The following EHBP1 variants were observed in gnomAD, a reference collection of about 807,000 sequenced individuals.
EHBP1 encodes EH domain binding protein 1, also known as EH domain-binding protein 1.
Under a neutral mutation model 144.0 loss-of-function variants are expected in EHBP1, and 55 were observed. The ratio of observed to expected loss-of-function variants is 0.38; its 90% confidence interval spans 0.31 to 0.48. The LOEUF is 0.48. EHBP1 is among the 20% of genes least tolerant of loss of function. The pLI is 0.98. For missense variants in EHBP1, 1,200 were observed against 1,364.2 expected, an observed-to-expected ratio of 0.88 and a Z score of 1.90; for synonymous variants, 469 against 472.7, an observed-to-expected ratio of 0.99 and a Z score of 0.10.
intron 19 of EHBP1, among the ~76,000 whole-genome samples, chr2:63,026,314 G>C (rs927459189): frequency 1.3e-5 from 2 of 150,810 alleles, no homozygotes; most frequent in African/African-American, 4.9e-5. Flanking sequence ...GTGTGTGTGT[G>C]TGTGTGTGTG....
intron 19 of EHBP1, among the ~76,000 whole-genome samples, chr2:63,029,343 G>T (rs1324302332): frequency 1.3e-5 from 2 of 151,714 alleles, no homozygotes; most frequent in African/African-American, 4.8e-5. Flanking sequence ...TATAGACTTT[G>T]TTATGGGAGC....
At chr2:62,840,012 A>G (rs2047665987) in intron 7 of EHBP1, among the ~76,000 whole-genome samples, 1 of 152,222 alleles carries the variant, frequency 6.6e-6, no homozygotes, top group Non-Finnish European at 1.5e-5. Flanking sequence ...TGGAACCAAA[A>G]AAGGGCTTGC....
At chr2:62,962,439 C>T (rs1450955064) in intron 14 of EHBP1, among the ~76,000 whole-genome samples, 1 of 152,220 alleles carries the variant, frequency 6.6e-6, no homozygotes, top group Admixed American at 6.5e-5. Flanking sequence ...CCCACCATTA[C>T]ATTTAATGAT....
At chr2:62,968,009 A>T (rs1203726818) in intron 14 of EHBP1, among the ~76,000 whole-genome samples, 4 of 152,124 alleles carry the variant, frequency 2.6e-5, no homozygotes, top group African/African-American at 9.7e-5. Context: ...GAGATATAGG[A>T]TACATCGTAT....
intron 2 of EHBP1, among the ~76,000 whole-genome samples, chr2:62,708,494 C>T (rs1246849149): frequency 2.6e-5 from 4 of 152,062 alleles, no homozygotes; most frequent in African/African-American, 4.8e-5. Context: ...TCTTTGAGGA[C>T]GGGTTATTTA....
At chr2:62,900,621 T>C (rs1398077041) in intron 10 of EHBP1, among the ~76,000 whole-genome samples, 3 of 146,178 alleles carry the variant, frequency 2.1e-5, no homozygotes, top group East Asian at 3.9e-4. Flanking sequence ...ACCCTGTCTT[T>C]AAAAAAAAAA....
chr2:62,898,709 G>A (rs917027165), intron 10 of EHBP1, among the ~76,000 whole-genome samples: 1 of 152,056 alleles, frequency 6.6e-6, no homozygotes, highest in Non-Finnish European at 1.5e-5. Flanking sequence ...ATAAATAATT[G>A]TTGGGTGGAT....
chr2:62,955,899 A>T (rs2057671115), intron 14 of EHBP1: 1 of 352,620 alleles, frequency 2.8e-6, no homozygotes, highest in Admixed American at 4.7e-5. Flanking sequence ...ATTTCCACAT[A>T]TACATGAATA....
At chr2:62,943,376 C>CAAAAAAAAAA (rs11306610) in intron 11 of EHBP1, among the ~76,000 whole-genome samples, 1 of 87,846 alleles carries the variant, frequency 1.1e-5, no homozygotes, top group Admixed American at 1.3e-4. Flanking sequence ...AACTCCGTCT[C>CAAAAAAAAAA]AAAAAAAAAA....
intron 7 of EHBP1, among the ~76,000 whole-genome samples, chr2:62,833,409 T>C (rs1346539731): frequency 6.6e-6 from 1 of 152,240 alleles, no homozygotes; most frequent in African/African-American, 2.4e-5. Context: ...TACAGCCTTC[T>C]ATTGGAAGAA....
chr2:62,901,452 T>C (rs2053405127), intron 10 of EHBP1, among the ~76,000 whole-genome samples: 1 of 152,090 alleles, frequency 6.6e-6, no homozygotes, highest in African/African-American at 2.4e-5. Flanking sequence ...TTGCTGTTTA[T>C]TGGAATTGGG....
intron 1 of EHBP1, among the ~76,000 whole-genome samples, chr2:62,682,545 G>A (rs2033567333): frequency 6.6e-6 from 1 of 152,148 alleles, no homozygotes; most frequent in African/African-American, 2.4e-5. Flanking sequence ...ACTCAGCCTG[G>A]AATGAGGATA....
chr2:62,732,411 A>C (rs900819429), intron 2 of EHBP1, among the ~76,000 whole-genome samples: 1 of 152,110 alleles, frequency 6.6e-6, no homozygotes, highest in East Asian at 1.9e-4. Flanking sequence ...TCCCCACCCA[A>C]ATCTCGTGTT....
In EHBP1 at chr2:62,948,896, G is replaced by A. The variant is rs370047719; in HGVS notation, c.2050G>A (p.Asp684Asn). Residue 684 changes from aspartate to asparagine, a missense_variant, in exon 13 of 23, where the codon GAT (aspartate) becomes AAT (asparagine). Transcript: ENST00000431489. ...TCCACCCTTTATTTGTGAGGAGACAGATGAACAAAAGCTTCAAACTCTAGA... is the reference window on the plus strand; with the variant it reads ...TCCACCCTTTATTTGTGAGGAGACAAATGAACAAAAGCTTCAAACTCTAGA... ...MSPPFICEET[D>N]EQKLQTLDIG... 164 of 1,613,856 alleles carry A rather than the reference G, an allele frequency of 1.0e-4. No individual in the cohort carries two copies. The highest frequency in any genetic ancestry group is 1.4e-4 in the Non-Finnish European group (162 of 1,179,972).
rs565188542 is a variant in EHBP1 at position 62,960,855 on chromosome 2, T to A, written c.2460+5195T>A. ...GATAAGATTACTTTTGCCACTTGGGTACTTAAGCTTATATCATTCTTTCCT... is the reference window on the plus strand; with the variant it reads ...GATAAGATTACTTTTGCCACTTGGGAACTTAAGCTTATATCATTCTTTCCT... On this transcript the variant is annotated intron_variant, in intron 14 of 22. Transcript: ENST00000431489. 1.9e-4 allele frequency among the ~76,000 whole-genome samples: 29 copies of A among 152,324 alleles called. 1 individual carries two copies. The highest frequency in any genetic ancestry group is 1.6e-3 in the Admixed American group (24 of 15,298).
At chr2:62,844,980 T>A (rs754181519) in intron 7 of EHBP1, among the ~76,000 whole-genome samples, 2 of 152,174 alleles carry the variant, frequency 1.3e-5, no homozygotes, top group Non-Finnish European at 2.9e-5. Context: ...ATACTGTTGT[T>A]TATCCCCTAC....
At chr2:62,739,949 A>G (rs866702294) in intron 2 of EHBP1, among the ~76,000 whole-genome samples, 5 of 151,778 alleles carry the variant, frequency 3.3e-5, no homozygotes, top group African/African-American at 9.6e-5. Context: ...AAAAAAAAAA[A>G]AAAAGAAAAA....
intron 4 of EHBP1, among the ~76,000 whole-genome samples, chr2:62,766,992 G>T (rs1305247809): frequency 6.7e-6 from 1 of 149,584 alleles, no homozygotes; most frequent in African/African-American, 2.5e-5. Flanking sequence ...GTTGCATTTG[G>T]TTGTAAGATC....
chr2:62,990,958 G>A lies in EHBP1; in HGVS notation c.2733+118G>A. 5.4e-6 allele frequency: 7 copies of A among 1,297,294 alleles called. No individual in the cohort carries two copies. The Admixed American group carries it at 1.1e-4, about 21-fold the overall frequency. 80.4% of individuals were successfully genotyped at this position (1,297,294 alleles called of 1,614,324 possible). ...ATTTTTCACCAATATTAAGATTAGG[G>A]TATAAGAAATTTTTACTGGTGAGGT... On this transcript the variant is annotated intron_variant, in intron 16 of 22. Transcript: ENST00000431489.
Sources: allele counts gnomAD v4.1 joint callset (sites outside exome capture counted in the v4.1 genomes callset), GRCh38; gene constraint gnomAD v4.1.1; transcripts MANE v1.5; gene names NCBI Gene and HGNC (gene_info 2026-07-23, HGNC 2026-07-21).